Variants in TRDN observed in about 807,000 individuals in gnomAD.
The protein encoded by TRDN is triadin in skeletal muscle.
TRDN carries 161 observed loss-of-function variants against 149.7 expected under a neutral mutation model. That is an observed-to-expected ratio of 1.08 (90% CI 0.95 to 1.23). The LOEUF is 1.23. TRDN is among the 50% of genes most tolerant of loss of function. The probability of loss-of-function intolerance (pLI) is 0.00; values close to 1 mark genes in which losing one functional copy is unlikely to be tolerated. For missense variants in TRDN, 896 were observed against 823.5 expected (o/e 1.09, Z -1.08); for synonymous variants, 294 against 250.5 (o/e 1.17, Z -1.64).
At chr6:123,475,149 A>G (rs1407036767) in intron 9 of TRDN, among the ~76,000 whole-genome samples, 1 of 151,464 alleles carries the variant, frequency 6.6e-6, no homozygotes, top group African/African-American at 2.4e-5. Flanking sequence ...AACAAAATTG[A>G]TAGACCACTA....
intron 38 of TRDN, among the ~76,000 whole-genome samples, chr6:123,252,045 C>T (rs1776393664): frequency 6.6e-6 from 1 of 152,064 alleles, no homozygotes; most frequent in African/African-American, 2.4e-5. Flanking sequence ...AAAAGCATCA[C>T]TGTTCGACCA....
At chr6:123,612,186 G>A (rs1265550732) in intron 1 of TRDN, among the ~76,000 whole-genome samples, 1 of 140,326 alleles carries the variant, frequency 7.1e-6, no homozygotes. Context: ...AGAGGTCACA[G>A]GAGTTCGAGA....
At chr6:123,315,238 T>G (rs1778981487) in intron 24 of TRDN, among the ~76,000 whole-genome samples, 1 of 151,930 alleles carries the variant, frequency 6.6e-6, no homozygotes, top group South Asian at 2.1e-4. Flanking sequence ...ACGCAGTTTT[T>G]CCTTTTCTGA....
chr6:123,418,319 GTA>G (rs889403293), intron 12 of TRDN, among the ~76,000 whole-genome samples: 1 of 152,048 alleles, frequency 6.6e-6, no homozygotes, highest in Non-Finnish European at 1.5e-5. Context: ...GTGTGTGTGT[GTA>G]TGTGTGTGTG....
intron 24 of TRDN, among the ~76,000 whole-genome samples, chr6:123,291,901 T>C (rs1477133417): frequency 1.3e-5 from 2 of 152,198 alleles, no homozygotes; most frequent in African/African-American, 4.8e-5. Context: ...CTCCTCTGTT[T>C]ATGACTGCTG....
chr6:123,440,248 A>G (rs1774802128), intron 10 of TRDN, among the ~76,000 whole-genome samples: 1 of 152,196 alleles, frequency 6.6e-6, no homozygotes, highest in Non-Finnish European at 1.5e-5. Context: ...GGAAAAATGT[A>G]TTCACACTTT....
In TRDN at chr6:123,273,379, A is replaced by G; in HGVS notation, c.1598-16T>C. 2 of 948,744 alleles carry G rather than the reference A, an allele frequency of 2.1e-6. No homozygotes were observed. Among genetic ancestry groups the G allele is most frequent in the African/African-American group, 3.5e-5 (2 of 56,698 alleles). The allele number at this position is 948,744 out of a possible 1,614,324, so 58.8% of individuals were successfully genotyped here. A position where few individuals can be genotyped will look rare whatever the true frequency, so the allele number is the denominator to read the frequency against. On this transcript the variant is annotated splice_polypyrimidine_tract_variant and intron_variant, in intron 27 of 40. Transcript: ENST00000334268. ...TCAGATATAGCTAAAATAAATAAAT[A>G]ACATATTAGATTAAATTACCTGCAA...
chr6:123,354,242 A>G (rs1780574957), intron 20 of TRDN, among the ~76,000 whole-genome samples: 1 of 151,840 alleles, frequency 6.6e-6, no homozygotes, highest in Non-Finnish European at 1.5e-5. Context: ...TTTGCCACTG[A>G]ATTTCTGCAA....
intron 1 of TRDN, among the ~76,000 whole-genome samples, chr6:123,599,446 T>C (rs1177631675): frequency 6.6e-6 from 1 of 152,142 alleles, no homozygotes; most frequent in Non-Finnish European, 1.5e-5. Context: ...AATTTATTTC[T>C]TCAACCAATG....
intron 9 of TRDN, chr6:123,469,524 T>C (rs1169283128): frequency 6.6e-6 from 1 of 152,208 alleles, no homozygotes; most frequent in Non-Finnish European, 1.5e-5. Flanking sequence ...CAGGAGTTTG[T>C]GTGAGGTGGG....
intron 23 of TRDN, among the ~76,000 whole-genome samples, chr6:123,320,332 A>T (rs952860700): frequency 3.3e-5 from 5 of 151,820 alleles, no homozygotes; most frequent in African/African-American, 1.2e-4. Flanking sequence ...TCATTTGTTT[A>T]TTAGCTCTCT....
At chr6:123,635,086 G>A (rs145094885) in intron 1 of TRDN, among the ~76,000 whole-genome samples, 1 of 151,978 alleles carries the variant, frequency 6.6e-6, no homozygotes, top group East Asian at 1.9e-4. Flanking sequence ...TGAATCACCT[G>A]GGAGCCCAAA....
intron 5 of TRDN, among the ~76,000 whole-genome samples, chr6:123,530,109 C>T (rs567633381): frequency 7.2e-5 from 11 of 151,818 alleles, no homozygotes; most frequent in African/African-American, 2.7e-4. Context: ...TGCATTTCTA[C>T]ACCAAAGATT....
intron 37 of TRDN, 187 bp downstream of exon 37, chr6:123,254,894 G>A (rs761665733): frequency 7.7e-6 from 4 of 516,844 alleles, no homozygotes; most frequent in Non-Finnish European, 1.1e-5. Context: ...ATTTCTTCAT[G>A]TTTTCTTATT....
At chr6:123,635,899 C>T (rs1356668004) in intron 1 of TRDN, among the ~76,000 whole-genome samples, 1 of 151,586 alleles carries the variant, frequency 6.6e-6, no homozygotes, top group African/African-American at 2.4e-5. Flanking sequence ...GAAATACGTA[C>T]ATATATATAT....
At chr6:123,339,348 G>A (rs989438089) in intron 21 of TRDN, among the ~76,000 whole-genome samples, 4 of 152,034 alleles carry the variant, frequency 2.6e-5, no homozygotes, top group Admixed American at 2.0e-4. Context: ...TTTAAGCTGA[G>A]AATGGTTCTT....
chr6:123,266,603 A>G (rs62636450), intron 32 of TRDN, among the ~76,000 whole-genome samples: 1 of 25,632 alleles, frequency 3.9e-5, no homozygotes, highest in African/African-American at 3.2e-4. Flanking sequence ...TATATATTAT[A>G]ATATGTATTA....
At chr6:123,308,145 G>GGATAAC (rs1435726043) in intron 24 of TRDN, among the ~76,000 whole-genome samples, 6 of 151,980 alleles carry the variant, frequency 3.9e-5, no homozygotes, top group Non-Finnish European at 8.8e-5. Context: ...GATTCACTTA[G>GGATAAC]GATAACGACT....
chr6:123,419,969 T>C (rs891981855), intron 12 of TRDN, among the ~76,000 whole-genome samples: 1 of 152,166 alleles, frequency 6.6e-6, no homozygotes, highest in African/African-American at 2.4e-5. Flanking sequence ...ACAATTTTCA[T>C]CAGTTTTTCG....
Sources: allele counts gnomAD v4.1 joint callset (sites outside exome capture counted in the v4.1 genomes callset), GRCh38; gene constraint gnomAD v4.1.1; transcripts MANE v1.5; gene names NCBI Gene and HGNC (gene_info 2026-07-23, HGNC 2026-07-21).